Variants in DSCAM observed in about 807,000 individuals in gnomAD.
The protein encoded by DSCAM is DS cell adhesion molecule.
DSCAM carries 47 observed loss-of-function variants against 217.7 expected under a neutral mutation model. The observed-to-expected ratio is 0.22, with a 90% confidence interval of 0.17 to 0.28. The LOEUF (loss-of-function observed/expected upper bound fraction) is 0.28, where lower values mean the gene tolerates loss of function less well. Ranked by LOEUF, DSCAM falls within the 10% of genes least tolerant of loss-of-function variation. DSCAM has a pLI of 1.00. For missense variants in DSCAM, 2,080 were observed against 2,618.3 expected, an observed-to-expected ratio of 0.79 and a Z score of 4.49; for synonymous variants, 1,056 against 1,015.3, an observed-to-expected ratio of 1.04 and a Z score of -0.76.
chr21:40,788,694 C>T (rs1053546072), intron 1 of DSCAM, among the ~76,000 whole-genome samples: 3 of 152,190 alleles, frequency 2.0e-5, no homozygotes, highest in African/African-American at 7.2e-5. Context: ...ATATGTCTAC[C>T]TCCCTAGAGA....
chr21:40,604,449 T>C (rs1422950857), intron 3 of DSCAM, among the ~76,000 whole-genome samples: 1 of 152,190 alleles, frequency 6.6e-6, no homozygotes. Flanking sequence ...GCTTATTCTG[T>C]CTCTTCATAT....
Position 40,669,902 on chromosome 21 carries a change from C to T in DSCAM, c.508+22908G>A, listed in dbSNP as rs571546102. Among the ~76,000 whole-genome samples the T allele has an allele frequency of 2.0e-5, 3 of 151,306 alleles. No homozygotes were observed. The South Asian group carries it at 6.3e-4, about 32-fold the overall frequency. ...TTATAATTTTTAAGCCTACAATATA[C>T]TTTTCATTTTCTAAGGCTTGATTTT... On this transcript the variant is annotated intron_variant, in intron 3 of 32. Coordinates refer to ENST00000400454, the MANE Select transcript of DSCAM (RefSeq NM_001389.5).
At chr21:40,527,743 A>G (rs1445900270) in intron 3 of DSCAM, among the ~76,000 whole-genome samples, 2 of 152,234 alleles carry the variant, frequency 1.3e-5, no homozygotes, top group Non-Finnish European at 2.9e-5. Context: ...TAAATCCAGT[A>G]TAATTATATT....
At chr21:40,581,560 T>G (rs1349694445) in intron 3 of DSCAM, among the ~76,000 whole-genome samples, 1 of 152,012 alleles carries the variant, frequency 6.6e-6, no homozygotes, top group Non-Finnish European at 1.5e-5. Flanking sequence ...CTCCCAGGTG[T>G]GAGAGGAGGG....
chr21:40,750,158 C>CTGGGATT (rs2091214041), intron 1 of DSCAM, among the ~76,000 whole-genome samples: 1 of 152,062 alleles, frequency 6.6e-6, no homozygotes, highest in Non-Finnish European at 1.5e-5. Flanking sequence ...AAACTCCCAA[C>CTGGGATT]CTGAGGTGAT....
chr21:40,825,198 C>A (rs35924439), intron 1 of DSCAM, among the ~76,000 whole-genome samples: 25,246 of 151,972 alleles, frequency 0.17, 2,982 homozygotes, highest in African/African-American at 0.33. Context: ...CAATGGGCAA[C>A]ACAAAATCCC....
intron 2 of DSCAM, among the ~76,000 whole-genome samples, chr21:40,700,724 TTTC>T: frequency 6.7e-6 from 1 of 149,808 alleles, no homozygotes; most frequent in East Asian, 1.9e-4. Context: ...ATTTTTATTC[TTTC>T]TTTCTTTCTT....
In DSCAM at chr21:40,303,703, AATC is replaced by A. The variant is rs544948308; in HGVS notation, c.2063-7532_2063-7530del. Among the ~76,000 whole-genome samples the A allele has an allele frequency of 5.4e-3, 815 of 152,304 alleles. 12 individuals carry two copies. The highest frequency in any genetic ancestry group is 0.019 in the African/African-American group (775 of 41,576). On this transcript the variant is annotated intron_variant, in intron 9 of 32. Transcript: ENST00000400454. ...GTGTAAGAATGAATGAATGAAGTAA[AATC>A]ATAGCATGAGAATTCTATCAAAAAT...
intron 19 of DSCAM, 105 bp downstream of exon 19, chr21:40,133,749 T>G: frequency 7.2e-7 from 1 of 1,381,950 alleles, no homozygotes; most frequent in South Asian, 1.5e-5. Context: ...CAGCAAAGGT[T>G]TGCACTGAGA....
chr21:40,830,565 C>T (rs1168484327), intron 1 of DSCAM, among the ~76,000 whole-genome samples: 1 of 152,208 alleles, frequency 6.6e-6, no homozygotes, highest in Non-Finnish European at 1.5e-5. Flanking sequence ...AAGTCAAGTG[C>T]AGGAGTTCTG....
intron 3 of DSCAM, among the ~76,000 whole-genome samples, chr21:40,541,596 T>C (rs2076543114): frequency 6.6e-6 from 1 of 152,316 alleles, no homozygotes; most frequent in South Asian, 2.1e-4. Context: ...ATATCACATA[T>C]ATGTGTATAT....
At chr21:40,481,682 T>C (rs1020476695) in intron 3 of DSCAM, among the ~76,000 whole-genome samples, 7 of 152,190 alleles carry the variant, frequency 4.6e-5, no homozygotes, top group African/African-American at 1.7e-4. Context: ...TTTCTTCTTC[T>C]GATTTTTAAA....
At chr21:40,206,685 C>CAAA (rs770011085) in intron 11 of DSCAM, among the ~76,000 whole-genome samples, 1 of 108,448 alleles carries the variant, frequency 9.2e-6, no homozygotes, top group Non-Finnish European at 1.7e-5. Context: ...CTGGGATTTG[C>CAAA]CAAAAAAAAA....
At chr21:40,526,119 T>C (rs1332521029) in intron 3 of DSCAM, among the ~76,000 whole-genome samples, 9 of 152,136 alleles carry the variant, frequency 5.9e-5, no homozygotes, top group African/African-American at 1.9e-4. Context: ...TACACTCAAA[T>C]TCTTGTCTAG....
chr21:40,807,827 A>T (rs1431785370), intron 1 of DSCAM, among the ~76,000 whole-genome samples: 1 of 152,152 alleles, frequency 6.6e-6, no homozygotes, highest in East Asian at 1.9e-4. Context: ...TTCTTCTCTT[A>T]TCTGTCCGAG....
intron 3 of DSCAM, among the ~76,000 whole-genome samples, chr21:40,426,192 G>C (rs923594652): frequency 2.0e-5 from 3 of 152,212 alleles, no homozygotes; most frequent in African/African-American, 4.8e-5. Flanking sequence ...CCTGGGGCTA[G>C]CTAAGCAGGA....
chr21:40,014,664 C>T (rs2146406390), intron 32 of DSCAM, among the ~76,000 whole-genome samples: 1 of 152,320 alleles, frequency 6.6e-6, no homozygotes, highest in Middle Eastern at 3.4e-3. Context: ...GCCTTCTCCT[C>T]TCACAGGTGT....
chr21:40,214,119 C>T (rs1233082274), intron 11 of DSCAM, among the ~76,000 whole-genome samples: 1 of 152,210 alleles, frequency 6.6e-6, no homozygotes, highest in Non-Finnish European at 1.5e-5. Flanking sequence ...CAAGGCATCC[C>T]TTCTATTCTT....
chr21:40,692,506 T>C (rs989111713), intron 3 of DSCAM, among the ~76,000 whole-genome samples: 2 of 152,162 alleles, frequency 1.3e-5, no homozygotes, highest in African/African-American at 4.8e-5. Flanking sequence ...AAAATACTAC[T>C]ACCTTGTTTT....
Sources: allele counts gnomAD v4.1 joint callset (sites outside exome capture counted in the v4.1 genomes callset), GRCh38; gene constraint gnomAD v4.1.1; transcripts MANE v1.5; gene names NCBI Gene and HGNC (gene_info 2026-07-23, HGNC 2026-07-21).